The following CNKSR3 variants were observed in gnomAD, a reference collection of about 807,000 sequenced individuals.
CNKSR3 encodes connector enhancer of kinase suppressor of ras 3.
CNKSR3 carries 36 observed loss-of-function variants against 67.7 expected under a neutral mutation model. The ratio of observed to expected loss-of-function variants is 0.53; its 90% CI spans 0.41 to 0.70. CNKSR3 has a LOEUF of 0.70. Ranked by LOEUF, CNKSR3 falls within the 30% of genes least tolerant of loss-of-function variation. CNKSR3 has a pLI of 0.00. For synonymous variants in CNKSR3, 281 were observed against 271.4 expected, an observed-to-expected ratio of 1.04 and a Z score of -0.35; for missense variants, 630 against 695.2, an observed-to-expected ratio of 0.91 and a Z score of 1.05.
At chr6:154,488,348 T>C (rs1426791702) in intron 1 of CNKSR3, among the ~76,000 whole-genome samples, 3 of 152,374 alleles carry the variant, frequency 2.0e-5, no homozygotes, top group South Asian at 4.1e-4. Flanking sequence ...TCTTCCTGAA[T>C]TCCTAAGGTT....
At chr6:154,461,449 G>T (rs184426799) in intron 1 of CNKSR3, among the ~76,000 whole-genome samples, 1 of 152,344 alleles carries the variant, frequency 6.6e-6, no homozygotes, top group Admixed American at 6.5e-5. Context: ...TGTAAAATAA[G>T]CAAGAAGAAG....
At chr6:154,481,792 C>T (rs1229005181) in intron 1 of CNKSR3, among the ~76,000 whole-genome samples, 3 of 152,142 alleles carry the variant, frequency 2.0e-5, no homozygotes, top group Non-Finnish European at 2.9e-5. Flanking sequence ...TTCTAAATAA[C>T]GTGAGCCAAG....
At chr6:154,506,122 A>G (rs1787097607) in intron 1 of CNKSR3, among the ~76,000 whole-genome samples, 1 of 152,202 alleles carries the variant, frequency 6.6e-6, no homozygotes, top group Non-Finnish European at 1.5e-5. Flanking sequence ...GAACTGAGCT[A>G]TGAAAATCAG....
intron 2 of CNKSR3, among the ~76,000 whole-genome samples, chr6:154,443,391 T>C (rs746160455): frequency 6.6e-6 from 1 of 151,638 alleles, no homozygotes; most frequent in Non-Finnish European, 1.5e-5. Flanking sequence ...ACCCATCAGA[T>C]GGCAGTAGTA....
intron 1 of CNKSR3, among the ~76,000 whole-genome samples, chr6:154,488,753 A>C (rs914190464): frequency 2.0e-5 from 3 of 152,230 alleles, no homozygotes; most frequent in Non-Finnish European, 4.4e-5. Flanking sequence ...CCTCCAAGAG[A>C]TCATATACTC....
intron 4 of CNKSR3, 22 bp downstream of exon 4, chr6:154,441,269 AG>A: frequency 3.8e-6 from 5 of 1,304,538 alleles, no homozygotes; most frequent in Non-Finnish European, 4.3e-6. Flanking sequence ...AAAAAAAGAA[AG>A]TGAAAATGAC....
At position 154,397,661 on chromosome 6, in the gene CNKSR3, T is replaced by A. The variant is rs969696817; in HGVS notation, c.*8693A>T. 1 of 152,196 alleles carries A rather than the reference T, an allele frequency of 6.6e-6. No individual in the cohort carries two copies. The highest frequency in any genetic ancestry group is 2.4e-5 in the African/African-American group (1 of 41,422). 9.4% of individuals were successfully genotyped at this position (152,196 alleles called of 1,614,324 possible). ...TGAGATGCATGCACAGGGCAGACAGTAGAGCCTGCAACTGTGATGGAATTA... is the reference window on the plus strand; with the variant it reads ...TGAGATGCATGCACAGGGCAGACAGAAGAGCCTGCAACTGTGATGGAATTA... On this transcript the variant is annotated 3_prime_UTR_variant, in exon 13 of 13. Transcript: ENST00000607772.
chr6:154,455,046 C>T (rs571346394), intron 1 of CNKSR3, among the ~76,000 whole-genome samples: 4 of 151,624 alleles, frequency 2.6e-5, no homozygotes, highest in Non-Finnish European at 4.4e-5. Flanking sequence ...CAGTGGCTCA[C>T]ATCTGTAATC....
At chr6:154,423,736 A>G (rs1405460450) in intron 7 of CNKSR3, among the ~76,000 whole-genome samples, 1 of 152,192 alleles carries the variant, frequency 6.6e-6, no homozygotes. Flanking sequence ...TTCTCATTCT[A>G]TCTTCTTTTA....
rs1434503649 is a variant in CNKSR3, at chr6:154,453,975, G to A, written c.53-3717C>T. ...AATTAAATGTGAAGGAAAAAGAGAA[G>A]AAATTCTCACAGAAAGGGAGCCACA... On this transcript the variant is annotated intron_variant, in intron 1 of 12. Coordinates refer to ENST00000607772, the MANE Select transcript of CNKSR3 (RefSeq NM_173515.4). Among the ~76,000 whole-genome samples the A allele has an allele frequency of 2.0e-5, 3 of 151,868 alleles. No homozygotes were observed. The East Asian group carries it at 5.8e-4, about 29-fold the overall frequency.
intron 9 of CNKSR3, chr6:154,414,688 A>G: frequency 1.7e-6 from 1 of 574,690 alleles, no homozygotes; most frequent in South Asian, 1.5e-5. Context: ...TCTAGCTCTG[A>G]GCAAATCACT....
intron 10 of CNKSR3, among the ~76,000 whole-genome samples, chr6:154,412,998 C>T (rs1186690772): frequency 6.6e-6 from 1 of 152,084 alleles, no homozygotes; most frequent in Admixed American, 6.6e-5. Flanking sequence ...GTTTTATCAA[C>T]ATATATAAAT....
At chr6:154,443,001 G>A (rs1269098573) in intron 2 of CNKSR3, among the ~76,000 whole-genome samples, 1 of 152,030 alleles carries the variant, frequency 6.6e-6, no homozygotes, top group Non-Finnish European at 1.5e-5. Context: ...AGGTTCAAGT[G>A]AATCTCCTGC....
chr6:154,485,989 G>A (rs914746606), intron 1 of CNKSR3, among the ~76,000 whole-genome samples: 3 of 152,130 alleles, frequency 2.0e-5, no homozygotes, highest in Non-Finnish European at 2.9e-5. Context: ...CCACTACATC[G>A]TGGACACACC....
In CNKSR3 at chr6:154,510,145, A is replaced by T. The variant is rs777129979; in HGVS notation, c.-31T>A. 9 of 1,613,730 alleles carry T rather than the reference A, an allele frequency of 5.6e-6. No individual in the cohort carries two copies. The highest frequency in any genetic ancestry group is 7.6e-6 in the Non-Finnish European group (9 of 1,179,768). On this transcript the variant is annotated 5_prime_UTR_variant, in exon 1 of 13. Coordinates refer to ENST00000607772, the MANE Select transcript of CNKSR3 (RefSeq NM_173515.4). ...ACCGCTTCGCCTCTCGCTGGGCTGG[A>T]GAGTCGCAGATAAAGTGCTGCTGCC...
chr6:154,414,087 C>T (rs1286666109), intron 10 of CNKSR3, among the ~76,000 whole-genome samples: 1 of 151,540 alleles, frequency 6.6e-6, no homozygotes, highest in Non-Finnish European at 1.5e-5. Context: ...GCCCTCCCCA[C>T]CAAACTGTAT....
intron 7 of CNKSR3, among the ~76,000 whole-genome samples, chr6:154,423,537 C>T (rs1785191132): frequency 1.3e-5 from 2 of 152,176 alleles, no homozygotes; most frequent in South Asian, 4.1e-4. Flanking sequence ...GGATTACAGG[C>T]ATGAGCCACC....
chr6:154,477,585 T>C (rs1786480459), intron 1 of CNKSR3, among the ~76,000 whole-genome samples: 1 of 152,040 alleles, frequency 6.6e-6, no homozygotes, highest in South Asian at 2.1e-4. Flanking sequence ...CCTCCCAAAG[T>C]GCTGGGATTA....
At chr6:154,500,217 C>T (rs1786968665) in intron 1 of CNKSR3, among the ~76,000 whole-genome samples, 1 of 151,308 alleles carries the variant, frequency 6.6e-6, no homozygotes, top group Admixed American at 6.6e-5. Flanking sequence ...TGAGAACATG[C>T]AAAATTGTTC....
Sources: allele counts gnomAD v4.1 joint callset (sites outside exome capture counted in the v4.1 genomes callset), GRCh38; gene constraint gnomAD v4.1.1; transcripts MANE v1.5; gene names NCBI Gene and HGNC (gene_info 2026-07-23, HGNC 2026-07-21).